The following LYG2 variants were observed in gnomAD, a reference collection of about 807,000 sequenced individuals.
LYG2 encodes the protein lysozyme g2, also known as lysozyme g-like protein 2.
A neutral mutation model predicts 22.4 loss-of-function variants in LYG2; 25 were observed. The observed-to-expected ratio is 1.12, with a 90% confidence interval of 0.81 to 1.56. LYG2 has a LOEUF of 1.56. LYG2 is among the 40% of genes most tolerant of loss of function. The pLI is 0.00. For missense variants in LYG2, 266 were observed against 269.5 expected (o/e 0.99, Z 0.09); for synonymous variants, 88 against 97.0 (o/e 0.91, Z 0.55).
At chr2:99,258,392 T>C (rs2105277823), upstream of LYG2, among the ~76,000 whole-genome samples, 1 of 152,348 alleles carries the variant, frequency 6.6e-6, no homozygotes, top group East Asian at 1.9e-4. Flanking sequence ...GCTTAGCTTC[T>C]TGTTGATTTA....
chr2:99,245,300 C>T lies in LYG2; in HGVS notation c.343G>A (p.Gly115Ser), dbSNP rs780653930. 9.9e-6 allele frequency: 16 copies of T among 1,608,930 alleles called. No individual in the cohort carries two copies. Among genetic ancestry groups the T allele is most frequent in the Admixed American group, 5.0e-5 (3 of 59,430 alleles). Reference protein sequence around the residue: ...ESHGGSVLQDGWDHRGLKFGL... With the variant: ...ESHGGSVLQDSWDHRGLKFGL... Reference sequence around the variant, plus strand: ...AATTTAAGTCCCCTGTGGTCCCAGCCGTCTTGCAGGACAGATCCGCCATGG... The same window carrying T: ...AATTTAAGTCCCCTGTGGTCCCAGCTGTCTTGCAGGACAGATCCGCCATGG... Residue 115 changes from glycine (G) to serine (S), a missense_variant, in exon 5 of 7, where the codon GGC becomes AGC. Transcript: ENST00000333017.
At chr2:99,254,028 G>A (rs2094031658) in intron 3 of LYG2, among the ~76,000 whole-genome samples, 190 bp downstream of exon 3, 1 of 152,108 alleles carries the variant, frequency 6.6e-6, no homozygotes, top group Non-Finnish European at 1.5e-5. Context: ...CATAGATCCT[G>A]TTTTTCACCT....
chr2:99,250,172 T>TAA (rs2094023540), intron 3 of LYG2, among the ~76,000 whole-genome samples: 1 of 152,174 alleles, frequency 6.6e-6, no homozygotes, highest in South Asian at 2.1e-4. Context: ...GTGGTCCCTT[T>TAA]TGCCTAGAAT....
Position 99,246,666 on chromosome 2 carries a change from T to C in LYG2, c.184+14A>G. On this transcript the variant is annotated intron_variant, in intron 4 of 6. Coordinates refer to ENST00000333017, the MANE Select transcript of LYG2 (RefSeq NM_175735.4). ...AAAGGGGGAAGCCAGTCATTTGCTC[T>C]GCTTTTCACTTACCGCAGTTCATCA... 16 of 1,604,350 alleles carry C rather than the reference T, an allele frequency of 1.0e-5. No individual in the cohort carries two copies. Among genetic ancestry groups the C allele is most frequent in the Non-Finnish European group, 1.4e-5 (16 of 1,177,668 alleles).
chr2:99,246,610 T>C, intron 4 of LYG2, 70 bp downstream of exon 4: 1 of 1,545,982 alleles, frequency 6.5e-7, no homozygotes, highest in East Asian at 2.3e-5. Context: ...CAAAATTAAG[T>C]GACTTCCTAA....
intron 6 of LYG2, chr2:99,243,590 C>T (rs2094010421): frequency 8.4e-7 from 1 of 1,191,104 alleles, no homozygotes; most frequent in Non-Finnish European, 1.2e-6. Context: ...GGCTGGAGTG[C>T]AGTGATGTAA....
intron 3 of LYG2, among the ~76,000 whole-genome samples, chr2:99,253,676 GC>G (rs1433260434): frequency 6.6e-6 from 1 of 151,850 alleles, no homozygotes; most frequent in East Asian, 1.9e-4. Flanking sequence ...TTCTGCCTCT[GC>G]TTTTTTACTG....
In LYG2 at chr2:99,245,261, C is replaced by T. The variant is rs199912834; in HGVS notation, c.381+1G>A. On this transcript the variant is annotated splice_donor_variant, in intron 5 of 6. Coordinates refer to ENST00000333017, the MANE Select transcript of LYG2 (RefSeq NM_175735.4). LOFTEE classifies it high-confidence loss of function. The stretch of plus-strand genomic sequence containing the variant: ...CTGATAGAAAGTTTCTAGCTAAATA[C>T]CTGCATCAAGCCAAATTTAAGTCCC... 11 of 1,596,600 alleles carry T rather than the reference C, an allele frequency of 6.9e-6. No individual in the cohort carries two copies. Among genetic ancestry groups the T allele is most frequent in the South Asian group, 1.1e-5 (1 of 88,346 alleles).
At chr2:99,255,223 G>A (rs1287665473) in intron 1 of LYG2, 86 bp from the exon 2 acceptor site, 1 of 152,184 alleles carries the variant, frequency 6.6e-6, no homozygotes, top group Non-Finnish European at 1.5e-5. Flanking sequence ...CTACTGCTGT[G>A]GAGGAAACTT....
rs747616515 is a variant in LYG2 at position 99,244,040 on chromosome 2, T to C, written c.479A>G (p.Gln160Arg). The C allele has an allele frequency of 2.5e-6, 4 of 1,614,146 alleles. No homozygotes were observed. Among genetic ancestry groups the C allele is most frequent in the Non-Finnish European group, 3.4e-6 (4 of 1,180,008 alleles). Residue 160 changes from glutamine (Q) to arginine (R), a missense_variant, in exon 6 of 7, where the codon CAG becomes CGG. Coordinates refer to ENST00000333017, the MANE Select transcript of LYG2 (RefSeq NM_175735.4). The stretch of plus-strand genomic sequence containing the variant: ...AACACTCCACGTGGGGAATTTTTTC[T>C]GGATTGCCTTAATTCTCTCTGTTAG... The part of the protein sequence containing the change: ...GILTERIKAI[Q>R]KKFPTWSVAQ...
rs1295147167 is a variant in LYG2, at chr2:99,243,079, T to C, written c.521-597A>G. ...ATCCCTGCCTTCAAGGACCTTGAAG[T>C]AGAGACTAGAAACTGTTCTGATTAA... On this transcript the variant is annotated intron_variant, in intron 6 of 6. Coordinates refer to ENST00000333017, the MANE Select transcript of LYG2 (RefSeq NM_175735.4). Among the ~76,000 whole-genome samples the C allele has an allele frequency of 2.0e-5, 3 of 152,152 alleles. No individual in the cohort carries two copies. In the East Asian group the frequency reaches 5.8e-4, roughly 29 times the overall value.
intron 3 of LYG2, 88 bp from the exon 4 acceptor site, chr2:99,246,908 A>G: frequency 7.5e-7 from 1 of 1,330,482 alleles, no homozygotes; most frequent in East Asian, 2.4e-5. Flanking sequence ...CAAAGGCAGA[A>G]GGCCACAGAC....
At chr2:99,244,940 G>A (rs539257724) in intron 5 of LYG2, among the ~76,000 whole-genome samples, 8 of 151,806 alleles carry the variant, frequency 5.3e-5, no homozygotes, top group South Asian at 2.1e-4. Context: ...GTGAAATCCC[G>A]TCTCTACTAA....
Position 99,247,178 on chromosome 2 carries a change from C to T in LYG2, c.44-358G>A, listed in dbSNP as rs190793269. ...CATGATCATAGCTCGCTGCAGGCACCAACACCTGGGCTCAAACTATCCTCC... is the reference window on the plus strand; with the variant it reads ...CATGATCATAGCTCGCTGCAGGCACTAACACCTGGGCTCAAACTATCCTCC... On this transcript the variant is annotated intron_variant, in intron 3 of 6. Coordinates refer to ENST00000333017, the MANE Select transcript of LYG2 (RefSeq NM_175735.4). Among the ~76,000 whole-genome samples the T allele has an allele frequency of 2.0e-5, 3 of 152,156 alleles. No individual in the cohort carries two copies. The East Asian group carries it at 5.8e-4, about 29-fold the overall frequency.
At chr2:99,251,658 A>G (rs1325008084) in intron 3 of LYG2, among the ~76,000 whole-genome samples, 3 of 152,114 alleles carry the variant, frequency 2.0e-5, no homozygotes, top group East Asian at 1.9e-4. Flanking sequence ...CGACAGCTCC[A>G]TAGCAATGGA....
intron 4 of LYG2, 24 bp downstream of exon 4, chr2:99,246,656 T>A (rs995166334): frequency 6.2e-7 from 1 of 1,601,098 alleles, no homozygotes; most frequent in Non-Finnish European, 8.5e-7. Flanking sequence ...GGGAAGCCAG[T>A]CATTTGCTCT....
In LYG2 at chr2:99,254,264, G is replaced by A. The variant is rs376062646; in HGVS notation, c.-4C>T. 3.3e-5 allele frequency: 54 copies of A among 1,613,678 alleles called. No individual in the cohort carries two copies. Among genetic ancestry groups the A allele is most frequent in the South Asian group, 9.9e-5 (9 of 91,058 alleles). ...AAAACACCACGGAGGATAACATGGC[G>A]GGGAATCTTATCTTCCAGGACCTGC... On this transcript the variant is annotated 5_prime_UTR_variant, in exon 3 of 7. Coordinates refer to ENST00000333017, the MANE Select transcript of LYG2 (RefSeq NM_175735.4).
chr2:99,252,437 CT>C (rs1275594676), intron 3 of LYG2, among the ~76,000 whole-genome samples: 1 of 152,094 alleles, frequency 6.6e-6, no homozygotes, highest in African/African-American at 2.4e-5. Context: ...CTCTCACTCT[CT>C]TACTGTTCGT....
At chr2:99,254,181 C>A in intron 3 of LYG2, 37 bp downstream of exon 3, 1 of 1,591,968 alleles carries the variant, frequency 6.3e-7, no homozygotes, top group South Asian at 1.1e-5. Flanking sequence ...TTTGTGGACA[C>A]CCTGTGAACA....
Sources: gnomAD v4.1 joint callset for allele counts (sites outside exome capture counted in the v4.1 genomes callset) on GRCh38, gnomAD v4.1.1 for gene constraint, MANE v1.5 for transcripts, NCBI Gene and HGNC (gene_info 2026-07-23, HGNC 2026-07-21) for gene names.